The following BICRA variants were observed in gnomAD, a reference collection of about 807,000 sequenced individuals.
The protein encoded by BICRA is BRD4-interacting chromatin-remodeling complex-associated protein.
In BICRA, 31 loss-of-function variants were observed where a neutral mutation model predicts 96.9. The observed-to-expected ratio is 0.32, with a 90% CI of 0.24 to 0.43. The LOEUF (loss-of-function observed/expected upper bound fraction) is 0.43. Ranked by LOEUF, BICRA falls within the 20% of genes least tolerant of loss-of-function variation. The pLI, the probability that BICRA is intolerant of heterozygous loss-of-function variation, is 1.00. For missense variants in BICRA, 2,283 were observed against 2,190.3 expected, an observed-to-expected ratio of 1.04 and a Z score of -0.84; for synonymous variants, 1,350 against 1,071.8, an observed-to-expected ratio of 1.26 and a Z score of -5.07.
intron 1 of BICRA, among the ~76,000 whole-genome samples, chr19:47,647,082 C>T (rs888538951): frequency 1.3e-5 from 2 of 152,180 alleles, no homozygotes; most frequent in African/African-American, 2.4e-5. Flanking sequence ...TTTCACTCAG[C>T]GTGATGTTGT....
intron 1 of BICRA, among the ~76,000 whole-genome samples, chr19:47,648,329 G>C (rs531111677): frequency 7.3e-4 from 111 of 152,030 alleles, no homozygotes; most frequent in African/African-American, 2.5e-3. Context: ...TCAGGCCTAG[G>C]TCAGGCGCCT....
At chr19:47,668,341 G>A (rs1972813383) in intron 1 of BICRA, among the ~76,000 whole-genome samples, 1 of 152,188 alleles carries the variant, frequency 6.6e-6, no homozygotes. Flanking sequence ...ATTTGCAGAA[G>A]TGGGTAGAGT....
chr19:47,664,895 G>T (rs150826991), intron 1 of BICRA, among the ~76,000 whole-genome samples: 2 of 142,514 alleles, frequency 1.4e-5, no homozygotes, highest in African/African-American at 5.3e-5. Flanking sequence ...GAATCTTTCC[G>T]TAGGAGCAGG....
Position 47,663,290 on chromosome 19 carries a change from A to T in BICRA, c.-107-7153A>T, listed in dbSNP as rs184050093. On this transcript the variant is annotated intron_variant, in intron 1 of 14. Transcript: ENST00000594866. ...CTAATCCCAGCTACTCAGGAGGCTG[A>T]GGCAGGAGTCACTTGAACCTGGGAG... 6.8e-3 allele frequency: 1,032 copies of T among 152,426 alleles called. 6 individuals are homozygous for T. Among genetic ancestry groups the T allele is most frequent in the Non-Finnish European group, 9.4e-3 (643 of 68,108 alleles). 9.4% of individuals were successfully genotyped at this position (152,426 alleles called of 1,614,324 possible).
chr19:47,657,922 C>CTCTG (rs948025841), intron 1 of BICRA, among the ~76,000 whole-genome samples: 1 of 150,890 alleles, frequency 6.6e-6, no homozygotes, highest in Non-Finnish European at 1.5e-5. Context: ...CTTATACTCT[C>CTCTG]TCTCTCTCGT....
chr19:47,690,893 A>T (rs1229861890), intron 7 of BICRA, among the ~76,000 whole-genome samples: 1 of 152,100 alleles, frequency 6.6e-6, no homozygotes, highest in Admixed American at 6.6e-5. Flanking sequence ...ATGACTTCAA[A>T]CACATAAAAA....
At chr19:47,682,918 C>T (rs147090990) in intron 7 of BICRA, among the ~76,000 whole-genome samples, 21 of 152,218 alleles carry the variant, frequency 1.4e-4, no homozygotes, top group African/African-American at 4.3e-4. Context: ...GTGATCCGCC[C>T]GCCTCAGCCT....
chr19:47,650,788 G>T (rs1972528835), intron 1 of BICRA, among the ~76,000 whole-genome samples: 1 of 152,094 alleles, frequency 6.6e-6, no homozygotes. Flanking sequence ...GCATTAGAGG[G>T]AAATGGGCTT....
chr19:47,667,979 A>G (rs1037244920), intron 1 of BICRA, among the ~76,000 whole-genome samples: 5 of 152,148 alleles, frequency 3.3e-5, no homozygotes, highest in Admixed American at 3.3e-4. Flanking sequence ...CTGTAATCCC[A>G]GCACTTTGGG....
At position 47,694,379 on chromosome 19, in the gene BICRA, C is replaced by A; in HGVS notation, c.2548C>A (p.Pro850Thr). Reference sequence around the variant, plus strand: ...AGGCGTTCCCCCGCCTGCCAGCAACCCGGCCCCTACTGCCCCAGGCCCGCC... The same window carrying A: ...AGGCGTTCCCCCGCCTGCCAGCAACACGGCCCCTACTGCCCCAGGCCCGCC... ...QLGVPPPASN[P>T]APTAPGPPQP... The change falls in exon 8 of 15, where the codon CCG becomes ACG. Residue 850 changes from proline to threonine, a missense_variant. Transcript: ENST00000594866. 1.6e-6 allele frequency: 2 copies of A among 1,234,178 alleles called. No homozygotes were observed. Among genetic ancestry groups the A allele is most frequent in the Non-Finnish European group, 1.2e-6 (1 of 858,030 alleles). The allele number at this position is 1,234,178 out of a possible 1,614,324, so 76.5% of individuals were successfully genotyped here. A position where few individuals can be genotyped will look rare whatever the true frequency, so the allele number is the denominator to read the frequency against.
chr19:47,622,039 C>T (rs372754892), intron 1 of BICRA, among the ~76,000 whole-genome samples: 1 of 150,432 alleles, frequency 6.6e-6, no homozygotes, highest in Non-Finnish European at 1.5e-5. Context: ...CGATTTTGGC[C>T]CACTGCAACC....
rs1036820710 is a variant in BICRA, at chr19:47,702,710, G to A, written c.*295G>A. The A allele has an allele frequency of 4.5e-6, 2 of 444,738 alleles. No individual in the cohort carries two copies. The highest frequency in any genetic ancestry group is 7.9e-6 in the Non-Finnish European group (2 of 252,844). 27.5% of individuals were successfully genotyped at this position (444,738 alleles called of 1,614,324 possible). On this transcript the variant is annotated 3_prime_UTR_variant, in exon 15 of 15. Transcript: ENST00000594866. ...ATTTCCTGGCACACTCTGCCCCTCT[G>A]TCCGGGGGACACGCGCATGTGTTTG...
chr19:47,646,769 T>C (rs1307420809), intron 1 of BICRA, among the ~76,000 whole-genome samples: 1 of 151,808 alleles, frequency 6.6e-6, no homozygotes, highest in Non-Finnish European at 1.5e-5. Context: ...TCACACACAG[T>C]TATTCCTTTT....
intron 1 of BICRA, among the ~76,000 whole-genome samples, chr19:47,613,930 G>C (rs1287565289): frequency 6.6e-6 from 1 of 151,686 alleles, no homozygotes; most frequent in Non-Finnish European, 1.5e-5. Context: ...ATTGGGGGGA[G>C]GGGGAAAGGA....
At position 47,675,467 on chromosome 19, in the gene BICRA, A is replaced by G. The variant is rs1489798260; in HGVS notation, c.85-384A>G. 6.6e-6 allele frequency among the ~76,000 whole-genome samples: 1 copy of G among 152,154 alleles called. No individual in the cohort carries two copies. The highest frequency in any genetic ancestry group is 1.5e-5 in the Non-Finnish European group (1 of 68,024). On this transcript the variant is annotated intron_variant, in intron 4 of 14. Transcript: ENST00000594866. The surrounding 1 kb of genome is among the most constrained non-coding windows in gnomAD (Gnocchi z 4.7). ...ACTCAGGCTGCGTTGGGAAAGGAGT[A>G]CTTAGTGAGAAGGGACAGGAGCTGT...
At chr19:47,633,584 G>C (rs1188402085) in intron 1 of BICRA, among the ~76,000 whole-genome samples, 1 of 152,204 alleles carries the variant, frequency 6.6e-6, no homozygotes, top group Non-Finnish European at 1.5e-5. Flanking sequence ...CAGAGGTGTG[G>C]GGCAGTTGCT....
chr19:47,698,586 T>TACCCCCCCCCCC lies in BICRA; in HGVS notation c.3249-48_3249-47insACCCCCCCCCCC. ...AGGGACTTCCCCTGGCCCTCACCCG[T>TACCCCCCCCCCC]CCCCCCCACCCTCCGCCGTGTGTGG... is the stretch of plus-strand genomic sequence containing the variant. On this transcript the variant is annotated intron_variant, in intron 11 of 14. Transcript: ENST00000594866. The surrounding 1 kb of genome is among the most constrained non-coding windows in gnomAD (Gnocchi z 4.8). 3 of 716,708 alleles carry TACCCCCCCCCCC rather than the reference T, an allele frequency of 4.2e-6. No individual in the cohort carries two copies. Among genetic ancestry groups the TACCCCCCCCCCC allele is most frequent in the Non-Finnish European group, 5.1e-6 (2 of 392,850 alleles). The allele number at this position is 716,708 out of a possible 1,614,324, so 44.4% of individuals were successfully genotyped here. A position where few individuals can be genotyped will look rare whatever the true frequency, so the allele number is the denominator to read the frequency against.
chr19:47,612,721 G>A lies in BICRA; in HGVS notation c.-108+3553G>A, dbSNP rs149820341. Among the ~76,000 whole-genome samples, 514 of 152,018 alleles carry A rather than the reference G, an allele frequency of 3.4e-3. 4 individuals carry two copies. The highest frequency in any genetic ancestry group is 0.012 in the African/African-American group (482 of 41,454). On this transcript the variant is annotated intron_variant, in intron 1 of 14. Coordinates refer to ENST00000594866, the MANE Select transcript of BICRA (RefSeq NM_001394372.1). Reference sequence around the variant, plus strand: ...GGTGATCTTGCCATTTTACAGATGGGGAAACTGAGGCCAGGGGAAGCATGT... The same window carrying A: ...GGTGATCTTGCCATTTTACAGATGGAGAAACTGAGGCCAGGGGAAGCATGT...
In BICRA at chr19:47,702,994, AAGTG is replaced by A. The variant is rs1973495587; in HGVS notation, c.*586_*589del. 6.6e-6 allele frequency: 1 copy of A among 151,840 alleles called. No homozygotes were observed. The highest frequency in any genetic ancestry group is 1.5e-5 in the Non-Finnish European group (1 of 68,364). The allele number at this position is 151,840 out of a possible 1,614,324, so 9.4% of individuals were successfully genotyped here. A position where few individuals can be genotyped will look rare whatever the true frequency, so the allele number is the denominator to read the frequency against. On this transcript the variant is annotated 3_prime_UTR_variant, in exon 15 of 15. Coordinates refer to ENST00000594866, the MANE Select transcript of BICRA (RefSeq NM_001394372.1). ...GACCTGTGTGTGTGTGTGTGTGCAC[AAGTG>A]AGTGAGAGATTTCGAACGCCCACCC...
Sources: allele counts gnomAD v4.1 joint callset (sites outside exome capture counted in the v4.1 genomes callset), GRCh38; gene constraint gnomAD v4.1.1; non-coding constraint Gnocchi (gnomAD v3.1); transcripts MANE v1.5; gene names NCBI Gene and HGNC (gene_info 2026-07-23, HGNC 2026-07-21).